Variants in NDUFA11 observed in about 807,000 individuals in gnomAD.
NDUFA11 encodes NADH:ubiquinone oxidoreductase subunit A11.
A neutral mutation model predicts 11.3 loss-of-function variants in NDUFA11; 14 were observed. The observed-to-expected ratio is 1.24, with a 90% CI of 0.82 to 1.94. NDUFA11 has a LOEUF of 1.94. Ranked by LOEUF, NDUFA11 falls within the 30% of genes most tolerant of loss-of-function variation. The pLI, the probability that NDUFA11 is intolerant of heterozygous loss-of-function variation, is 0.00. For synonymous variants in NDUFA11, 87 were observed against 85.6 expected, an observed-to-expected ratio of 1.02 and a Z score of -0.09; for missense variants, 204 against 200.3, an observed-to-expected ratio of 1.02 and a Z score of -0.11.
In NDUFA11 at chr19:5,896,979, T is replaced by C. The variant is rs2057614080; in HGVS notation, c.116A>G (p.Tyr39Cys). Residue 39 changes from tyrosine to cysteine, a missense_variant, in exon 2 of 4, where the codon TAC (tyrosine) becomes TGC (cysteine). Transcript: ENST00000308961. This position sits in a 1 kb window ranked among gnomAD's most constrained non-coding sequence, Gnocchi z 5.8. ...GCCCGGAGGATTGAGTGTGACTCTG[T>C]AGGCAGCGGCGGTCAGGCCTGCGAG... ...ASVAGLTAAA[Y>C]RVTLNPPGTF... The C allele has an allele frequency of 1.2e-6, 2 of 1,614,114 alleles. No individual in the cohort carries two copies. Among genetic ancestry groups the C allele is most frequent in the Non-Finnish European group, 1.7e-6 (2 of 1,180,000 alleles).
chr19:5,893,710 G>C (rs977427108), downstream of NDUFA11, among the ~76,000 whole-genome samples: 1 of 152,170 alleles, frequency 6.6e-6, no homozygotes, highest in South Asian at 2.1e-4. This position sits in a 1 kb window ranked among gnomAD's most constrained non-coding sequence, Gnocchi z 4.1. Flanking sequence ...TCCAGGCTGA[G>C]TTACTACTCG....
chr19:5,903,746 G>A lies in NDUFA11; in HGVS notation c.-38C>T, dbSNP rs899480722. The A allele has an allele frequency of 4.5e-6, 7 of 1,546,162 alleles. No individual in the cohort carries two copies. Among genetic ancestry groups the A allele is most frequent in the South Asian group, 1.2e-5 (1 of 83,976 alleles). On this transcript the variant is annotated 5_prime_UTR_variant, in exon 1 of 4. Transcript: ENST00000308961. ...CGATCCCGCACCACGGACCCCGCCA[G>A]CTCGGGAAGCGCAAGGGCAGCCGCG...
intron 1 of NDUFA11, among the ~76,000 whole-genome samples, chr19:5,897,964 C>T (rs114620053): frequency 0.012 from 1,892 of 152,352 alleles, 46 homozygotes; most frequent in African/African-American, 0.041. Context: ...AAACAAGCAC[C>T]CCCCTCTCCC....
At chr19:5,897,029 C>T (rs1175221492) in intron 1 of NDUFA11, 32 bp from the exon 2 acceptor site, 21 of 1,567,668 alleles carry the variant, frequency 1.3e-5, no homozygotes, top group Non-Finnish European at 1.8e-5. Context: ...CTGTTCAGAC[C>T]CCACTGCTGC....
In NDUFA11 at chr19:5,896,559, C is replaced by T. The variant is rs1054056687; in HGVS notation, c.207G>A (p.Val69=). 1.3e-6 allele frequency: 2 copies of T among 1,566,290 alleles called. No individual in the cohort carries two copies. The highest frequency in any genetic ancestry group is 1.4e-5 in the African/African-American group (1 of 73,774). ...CGCTGATGCAGGTGGTGAGGCCAAA[C>T]ACGGCCCCGACAGCAGCTGCGGGGT... ...YTFTAAAVGA[V]FGLTTCISAH... Residue 69 remains valine (V), a synonymous_variant, in exon 3 of 4, where the codon GTG becomes GTA. Transcript: ENST00000308961. This position sits in a 1 kb window ranked among gnomAD's most constrained non-coding sequence, Gnocchi z 5.8.
Position 5,896,678 on chromosome 19 carries a change from G to C in NDUFA11, c.191-103C>G. 6.6e-7 allele frequency: 1 copy of C among 1,516,430 alleles called. No homozygotes were observed. The highest frequency in any genetic ancestry group is 1.4e-5 in the African/African-American group (1 of 72,444). 93.9% of individuals were successfully genotyped at this position (1,516,430 alleles called of 1,614,324 possible). On this transcript the variant is annotated intron_variant, in intron 2 of 3. Coordinates refer to ENST00000308961, the MANE Select transcript of NDUFA11 (RefSeq NM_175614.5). The surrounding 1 kb of genome is among the most constrained non-coding windows in gnomAD (Gnocchi z 5.8). ...GGATGGAGAGAGATGCCACGAGTCGGCTGCTCGCTGTGCATGGCAGCCTCC... is the reference window on the plus strand; with the variant it reads ...GGATGGAGAGAGATGCCACGAGTCGCCTGCTCGCTGTGCATGGCAGCCTCC...
chr19:5,896,998 C>A lies in NDUFA11; in HGVS notation c.98-1G>T. The stretch of plus-strand genomic sequence containing the variant: ...ACTCTGTAGGCAGCGGCGGTCAGGC[C>A]TGCGAGACAGAGGAGGGAGGCTGTT... On this transcript the variant is annotated splice_acceptor_variant, in intron 1 of 3. Transcript: ENST00000308961. LOFTEE classifies it high-confidence loss of function. The surrounding 1 kb of genome is among the most constrained non-coding windows in gnomAD (Gnocchi z 5.8). The A allele has an allele frequency of 6.2e-7, 1 of 1,613,752 alleles. No individual in the cohort carries two copies. Among genetic ancestry groups the A allele is most frequent in the East Asian group, 2.2e-5 (1 of 44,880 alleles).
intron 1 of NDUFA11, chr19:5,900,111 C>T (rs1479801567): frequency 6.6e-6 from 1 of 152,202 alleles, no homozygotes; most frequent in Non-Finnish European, 1.5e-5. Context: ...GACTGCCCCA[C>T]CCCAACTCTG....
intron 1 of NDUFA11, among the ~76,000 whole-genome samples, chr19:5,900,259 G>C (rs2057636578): frequency 6.6e-6 from 1 of 152,158 alleles, no homozygotes; most frequent in South Asian, 2.1e-4. Context: ...GCCAGACCCA[G>C]TGTGAATTCA....
chr19:5,898,514 G>A (rs1232764205), intron 1 of NDUFA11, among the ~76,000 whole-genome samples: 4 of 152,218 alleles, frequency 2.6e-5, no homozygotes, highest in South Asian at 2.1e-4. Flanking sequence ...CATATAAAGA[G>A]TACCTTGTGG....
intron 1 of NDUFA11, among the ~76,000 whole-genome samples, chr19:5,899,315 A>C: frequency 6.6e-6 from 1 of 151,350 alleles, no homozygotes; most frequent in Non-Finnish European, 1.5e-5. Flanking sequence ...ACGCCTGGCT[A>C]ATTTTTTGTA....
At chr19:5,901,730 C>T (rs1038029110) in intron 1 of NDUFA11, among the ~76,000 whole-genome samples, 5 of 150,648 alleles carry the variant, frequency 3.3e-5, no homozygotes, top group East Asian at 3.9e-4. Context: ...AGTGCAGAGG[C>T]GCAATCTCGG....
chr19:5,901,326 G>C (rs772828892), intron 1 of NDUFA11: 4 of 1,281,932 alleles, frequency 3.1e-6, no homozygotes, highest in South Asian at 1.2e-5. Flanking sequence ...GAAGACCCTC[G>C]ATAAGGACCT....
chr19:5,903,711 C>G lies in NDUFA11; in HGVS notation c.-3G>C. 6.4e-7 allele frequency: 1 copy of G among 1,551,462 alleles called. No individual in the cohort carries two copies. Among genetic ancestry groups the G allele is most frequent in the Non-Finnish European group, 8.7e-7 (1 of 1,146,886 alleles). ...TGACGAAAAACCTTCGGCGCCATAG[C>G]CCGCAATCTCGATCCCGCACCACGG... is the stretch of plus-strand genomic sequence containing the variant. On this transcript the variant is annotated 5_prime_UTR_variant, in exon 1 of 4. Coordinates refer to ENST00000308961, the MANE Select transcript of NDUFA11 (RefSeq NM_175614.5).
chr19:5,896,422 G>C lies in NDUFA11; in HGVS notation c.313+31C>G. Reference sequence around the variant, plus strand: ...CAGGGGTCATTCTGCCAGGCTGGGAGGAGGGTGGGGGTGGGGAGGGGGCCA... The same window carrying C: ...CAGGGGTCATTCTGCCAGGCTGGGACGAGGGTGGGGGTGGGGAGGGGGCCA... On this transcript the variant is annotated intron_variant, in intron 3 of 3. Transcript: ENST00000308961. The surrounding 1 kb of genome is among the most constrained non-coding windows in gnomAD (Gnocchi z 5.8). 1.3e-6 allele frequency: 2 copies of C among 1,545,236 alleles called. No individual in the cohort carries two copies. Among genetic ancestry groups the C allele is most frequent in the Non-Finnish European group, 8.8e-7 (1 of 1,141,956 alleles).
At chr19:5,894,326 C>A (rs1490753698), downstream of NDUFA11, among the ~76,000 whole-genome samples, 1 of 152,192 alleles carries the variant, frequency 6.6e-6, no homozygotes, top group African/African-American at 2.4e-5. Context: ...GGCTCAAGAT[C>A]TGCAGGGGGG....
At chr19:5,901,469 G>C (rs1309968218) in intron 1 of NDUFA11, 14 of 1,285,556 alleles carry the variant, frequency 1.1e-5, no homozygotes, top group Non-Finnish European at 1.4e-5. Flanking sequence ...AAGAAATGGA[G>C]ACACAATAAC....
chr19:5,899,523 TG>T (rs1439249706), intron 1 of NDUFA11, among the ~76,000 whole-genome samples: 1 of 146,070 alleles, frequency 6.8e-6, no homozygotes, highest in Non-Finnish European at 1.5e-5. Context: ...GGTGCAAACT[TG>T]GCTCACTGCA....
chr19:5,892,841 C>G, downstream of NDUFA11: 1 of 1,389,856 alleles, frequency 7.2e-7, no homozygotes. Context: ...CTCTGAGGGG[C>G]CCTTATTCCC....
Sources: allele counts gnomAD v4.1 joint callset (sites outside exome capture counted in the v4.1 genomes callset), GRCh38; gene constraint gnomAD v4.1.1; non-coding constraint Gnocchi (gnomAD v3.1); transcripts MANE v1.5; gene names NCBI Gene and HGNC (gene_info 2026-07-23, HGNC 2026-07-21).